The following LRRC72 variants were observed in gnomAD, a reference collection of about 807,000 sequenced individuals.
LRRC72 encodes the protein leucine rich repeat containing 72, also known as leucine-rich repeat-containing protein 72.
A neutral mutation model predicts 35.8 loss-of-function variants in LRRC72; 41 were observed. That is an observed-to-expected ratio of 1.15 (90% CI 0.89 to 1.49). LRRC72 has a LOEUF of 1.49. LRRC72 is among the 40% of genes most tolerant of loss of function. The pLI, the probability that LRRC72 is intolerant of heterozygous loss-of-function variation, is 0.00. For missense variants in LRRC72, 389 were observed against 330.7 expected (o/e 1.18, Z -1.37); for synonymous variants, 118 against 119.2 (o/e 0.99, Z 0.07).
chr7:16,566,450 T>C (rs916577098), intron 6 of LRRC72, 48 bp downstream of exon 6: 29 of 1,301,764 alleles, frequency 2.2e-5, no homozygotes, highest in Non-Finnish European at 3.0e-5. Flanking sequence ...AGTAGTCTTA[T>C]AGCTCAGCGG....
In LRRC72 at chr7:16,561,759, G is replaced by C. The variant is rs569035179; in HGVS notation, c.427+2760G>C. Among the ~76,000 whole-genome samples the C allele has an allele frequency of 1.4e-3, 220 of 152,316 alleles. 1 individual carries two copies. Among genetic ancestry groups the C allele is most frequent in the African/African-American group, 5.1e-3 (214 of 41,570 alleles). The stretch of plus-strand genomic sequence containing the variant: ...GAACTCATGTTCCATTTTGGTTAAA[G>C]ATATTGTATGAAAAATAGTTTGTAT... On this transcript the variant is annotated intron_variant, in intron 5 of 8. Transcript: ENST00000401542.
intron 6 of LRRC72, among the ~76,000 whole-genome samples, chr7:16,567,132 C>T (rs1036269999): frequency 2.6e-5 from 4 of 151,972 alleles, no homozygotes; most frequent in African/African-American, 7.3e-5. Flanking sequence ...TTTTAATCAT[C>T]CTTGGTGATG....
intron 3 of LRRC72, among the ~76,000 whole-genome samples, chr7:16,541,386 A>T (rs1041925906): frequency 2.0e-5 from 3 of 152,250 alleles, no homozygotes; most frequent in African/African-American, 7.2e-5. Context: ...GTAAACAGCC[A>T]TGTTTATAAC....
chr7:16,557,291 GTTAT>G (rs1295805439), intron 3 of LRRC72, 65 bp from the exon 4 acceptor site: 1 of 403,966 alleles, frequency 2.5e-6, no homozygotes, highest in African/African-American at 2.1e-5. Context: ...TGTATATCAG[GTTAT>G]TTATATTGAT....
At chr7:16,547,989 G>T (rs1562742448) in intron 3 of LRRC72, among the ~76,000 whole-genome samples, 1 of 152,186 alleles carries the variant, frequency 6.6e-6, no homozygotes, top group Non-Finnish European at 1.5e-5. Context: ...CCTTTTCTGG[G>T]CCTGCCCGTG....
At chr7:16,553,494 C>CT (rs1782591780) in intron 3 of LRRC72, among the ~76,000 whole-genome samples, 1 of 152,216 alleles carries the variant, frequency 6.6e-6, no homozygotes. Flanking sequence ...AAACATCTAG[C>CT]TTAATGCCCA....
At chr7:16,535,832 C>A (rs563500962) in intron 2 of LRRC72, among the ~76,000 whole-genome samples, 2 of 152,192 alleles carry the variant, frequency 1.3e-5, no homozygotes, top group African/African-American at 4.8e-5. Flanking sequence ...TTCTACCAGA[C>A]AATTATCCTG....
At chr7:16,557,993 T>G (rs1323626580) in intron 4 of LRRC72, among the ~76,000 whole-genome samples, 1 of 141,068 alleles carries the variant, frequency 7.1e-6, no homozygotes, top group Non-Finnish European at 1.5e-5. Context: ...CATGATGTCA[T>G]GCACCGCTAA....
chr7:16,533,196 A>C (rs545097639), intron 2 of LRRC72, among the ~76,000 whole-genome samples: 1 of 152,124 alleles, frequency 6.6e-6, no homozygotes, highest in Non-Finnish European at 1.5e-5. Context: ...AATGAACTCC[A>C]TTATACTACA....
At position 16,536,290 on chromosome 7, in the gene LRRC72, C is replaced by T. The variant is rs568672410; in HGVS notation, c.165-1337C>T. ...ATGTTAATGGGATACAGGATTTAAA[C>T]AAACCAAAAAAAATGTAGGAACAAC... On this transcript the variant is annotated intron_variant, in intron 2 of 8. Transcript: ENST00000401542. 2.2e-4 allele frequency among the ~76,000 whole-genome samples: 33 copies of T among 151,858 alleles called. No individual in the cohort carries two copies. The South Asian group carries it at 6.6e-3, about 31-fold the overall frequency.
chr7:16,551,376 T>C (rs921011725), intron 3 of LRRC72, among the ~76,000 whole-genome samples: 2 of 152,200 alleles, frequency 1.3e-5, no homozygotes, highest in Non-Finnish European at 2.9e-5. Context: ...CCTTGGAATC[T>C]TCAAAGTGAT....
At chr7:16,542,923 A>G (rs1782381431) in intron 3 of LRRC72, among the ~76,000 whole-genome samples, 1 of 152,162 alleles carries the variant, frequency 6.6e-6, no homozygotes, top group African/African-American at 2.4e-5. Flanking sequence ...GTTCTTTATG[A>G]AAGAGACTGG....
rs1315695121 is a variant in LRRC72 at position 16,581,321 on chromosome 7, C to G, written c.699-3C>G. On this transcript the variant is annotated splice_polypyrimidine_tract_variant and splice_region_variant and intron_variant, in intron 8 of 8. Coordinates refer to ENST00000401542, the MANE Select transcript of LRRC72 (RefSeq NM_001195280.2). ...TTCTGACATAATTGCTTTTTTTTTG[C>G]AGAACTGTGCTTGATGACCCAGAAG... is the stretch of plus-strand genomic sequence containing the variant. 1 of 1,427,778 alleles carries G rather than the reference C, an allele frequency of 7.0e-7. No individual in the cohort carries two copies. Among genetic ancestry groups the G allele is most frequent in the African/African-American group, 1.5e-5 (1 of 68,196 alleles). 88.4% of individuals were successfully genotyped at this position (1,427,778 alleles called of 1,614,324 possible).
chr7:16,576,833 T>C (rs1268099236), intron 7 of LRRC72, among the ~76,000 whole-genome samples: 5 of 152,196 alleles, frequency 3.3e-5, no homozygotes, highest in African/African-American at 9.7e-5. Flanking sequence ...AGCTGGGGTA[T>C]AGTGTCACAG....
At chr7:16,557,490 A>G in intron 4 of LRRC72, 49 bp downstream of exon 4, 1 of 628,892 alleles carries the variant, frequency 1.6e-6, no homozygotes, top group Non-Finnish European at 2.4e-6. Context: ...ATTAAGTAAT[A>G]ACTTTCAACT....
At chr7:16,575,477 C>T (rs914827785) in intron 7 of LRRC72, among the ~76,000 whole-genome samples, 2 of 152,130 alleles carry the variant, frequency 1.3e-5, no homozygotes, top group African/African-American at 4.8e-5. Flanking sequence ...GTGGTAGTAC[C>T]AGTGTGGGAT....
intron 2 of LRRC72, among the ~76,000 whole-genome samples, chr7:16,534,279 A>G (rs1735480923): frequency 6.6e-6 from 1 of 152,132 alleles, no homozygotes; most frequent in African/African-American, 2.4e-5. Flanking sequence ...TAGTAGAATT[A>G]CCTCTCATTA....
At chr7:16,557,519 A>G in intron 4 of LRRC72, 78 bp downstream of exon 4, 1 of 434,558 alleles carries the variant, frequency 2.3e-6, no homozygotes, top group South Asian at 1.1e-4. Context: ...TGCTAATGAC[A>G]GACAAAAATC....
chr7:16,548,662 C>T (rs955485314), intron 3 of LRRC72, among the ~76,000 whole-genome samples: 1 of 152,244 alleles, frequency 6.6e-6, no homozygotes, highest in Non-Finnish European at 1.5e-5. Context: ...ACACACCCCT[C>T]AGTGCTCTGT....
Sources: allele counts gnomAD v4.1 joint callset (sites outside exome capture counted in the v4.1 genomes callset), GRCh38; gene constraint gnomAD v4.1.1; transcripts MANE v1.5; gene names NCBI Gene and HGNC (gene_info 2026-07-23, HGNC 2026-07-21).